Variants in PTPRN2 observed in about 807,000 individuals in gnomAD.
PTPRN2 encodes protein tyrosine phosphatase receptor type N2.
A neutral mutation model predicts 118.8 loss-of-function variants in PTPRN2; 74 were observed. The ratio of observed to expected loss-of-function variants is 0.62; its 90% confidence interval spans 0.52 to 0.76. PTPRN2 has a LOEUF of 0.76. PTPRN2 is among the 30% of genes least tolerant of loss of function. PTPRN2 has a pLI of 0.00. For missense variants in PTPRN2, 1,481 were observed against 1,394.4 expected, an observed-to-expected ratio of 1.06 and a Z score of -0.99; for synonymous variants, 641 against 608.0, an observed-to-expected ratio of 1.05 and a Z score of -0.80.
In PTPRN2 at chr7:158,342,101, C is replaced by T. The variant is rs527607251; in HGVS notation, c.164-25169G>A. Among the ~76,000 whole-genome samples, 54 of 143,070 alleles carry T rather than the reference C, an allele frequency of 3.8e-4. 1 individual carries two copies. The South Asian group carries it at 8.1e-3, about 22-fold the overall frequency. 93.9% of individuals were successfully genotyped at this position (143,070 alleles called of 152,430 possible). A position where few individuals can be genotyped will look rare whatever the true frequency, so the allele number is the denominator to read the frequency against. ...CACCAGAAGGGGTGTCACCTGCAGACGTCACTCACACCCACACTCTCACCA... is the reference window on the plus strand; with the variant it reads ...CACCAGAAGGGGTGTCACCTGCAGATGTCACTCACACCCACACTCTCACCA... On this transcript the variant is annotated intron_variant, in intron 2 of 22. Coordinates refer to ENST00000389418, the MANE Select transcript of PTPRN2 (RefSeq NM_002847.5).
chr7:157,832,813 A>G (rs1807655175), intron 12 of PTPRN2, among the ~76,000 whole-genome samples: 2 of 152,262 alleles, frequency 1.3e-5, no homozygotes, highest in African/African-American at 4.8e-5. Flanking sequence ...TTCTAGTAGC[A>G]AAAGCAACAG....
At chr7:158,215,064 T>C (rs978079589) in intron 3 of PTPRN2, among the ~76,000 whole-genome samples, 5 of 152,130 alleles carry the variant, frequency 3.3e-5, no homozygotes, top group African/African-American at 1.2e-4. Flanking sequence ...GATGTTAAAA[T>C]TGCCTGAGAA....
At chr7:158,007,823 A>T (rs970016444) in intron 11 of PTPRN2, among the ~76,000 whole-genome samples, 1 of 134,432 alleles carries the variant, frequency 7.4e-6, no homozygotes, top group Non-Finnish European at 1.6e-5. Flanking sequence ...GTGGGTATAT[A>T]CATGTGGGGG....
chr7:158,065,831 T>A (rs1810730298), intron 11 of PTPRN2, among the ~76,000 whole-genome samples: 1 of 152,224 alleles, frequency 6.6e-6, no homozygotes, highest in African/African-American at 2.4e-5. Context: ...AAATGGAAAT[T>A]ACCCCAGAGC....
chr7:158,040,736 C>CTTTTTTTTTT lies in PTPRN2; in HGVS notation c.1723+40552_1723+40561dup, dbSNP rs58192875. Among the ~76,000 whole-genome samples the CTTTTTTTTTT allele has an allele frequency of 1.3e-4, 19 of 142,202 alleles. 2 individuals carry two copies. Among genetic ancestry groups the CTTTTTTTTTT allele is most frequent in the African/African-American group, 1.3e-4 (5 of 38,232 alleles). 93.3% of individuals were successfully genotyped at this position (142,202 alleles called of 152,430 possible). ...TTGATCTGCCTTTCTTTTTTTCTTT[C>CTTTTTTTTTT]TTTTTTTTTTTTTTGAGATGGAATC... On this transcript the variant is annotated intron_variant, in intron 11 of 22. Transcript: ENST00000389418.
intron 12 of PTPRN2, among the ~76,000 whole-genome samples, chr7:157,852,714 C>CA (rs778878489): frequency 3.3e-5 from 5 of 151,784 alleles, no homozygotes; most frequent in Admixed American, 6.6e-5. Flanking sequence ...ACTAAAAACA[C>CA]AAAAATTAGC....
At chr7:158,045,598 C>T (rs1424183481) in intron 11 of PTPRN2, among the ~76,000 whole-genome samples, 1 of 152,214 alleles carries the variant, frequency 6.6e-6, no homozygotes, top group African/African-American at 2.4e-5. Context: ...GATTGTTTAG[C>T]ACAGACATCC....
At chr7:158,549,965 C>A (rs1035186276) in intron 1 of PTPRN2, among the ~76,000 whole-genome samples, 1 of 152,238 alleles carries the variant, frequency 6.6e-6, no homozygotes, top group Non-Finnish European at 1.5e-5. Context: ...CTCCCCCTTG[C>A]CCTCGTCCTG....
At chr7:157,925,805 G>A (rs916058636) in intron 11 of PTPRN2, among the ~76,000 whole-genome samples, 2 of 152,058 alleles carry the variant, frequency 1.3e-5, no homozygotes, top group East Asian at 1.9e-4. Context: ...ACCAGCCACC[G>A]AGACAATCAG....
intron 10 of PTPRN2, among the ~76,000 whole-genome samples, chr7:158,090,799 T>A (rs1814054542): frequency 6.6e-6 from 1 of 152,198 alleles, no homozygotes; most frequent in South Asian, 2.1e-4. Flanking sequence ...CTTTTATGAG[T>A]GAAATAATTT....
chr7:158,326,629 C>A (rs1445765409), intron 2 of PTPRN2, among the ~76,000 whole-genome samples: 1 of 148,500 alleles, frequency 6.7e-6, no homozygotes, highest in Non-Finnish European at 1.5e-5. Context: ...TGCACATTCT[C>A]ACATGCACAC....
At chr7:157,783,791 G>C (rs1047590141) in intron 12 of PTPRN2, among the ~76,000 whole-genome samples, 1 of 151,914 alleles carries the variant, frequency 6.6e-6, no homozygotes, top group African/African-American at 2.4e-5. Context: ...CCCTACTTTT[G>C]AGTGATTTCC....
chr7:158,248,814 A>G (rs1453228715), intron 3 of PTPRN2, among the ~76,000 whole-genome samples: 1 of 12,688 alleles, frequency 7.9e-5, no homozygotes, highest in Admixed American at 9.2e-4. Flanking sequence ...ACACGTGCAC[A>G]CATGCCACAC....
At chr7:158,381,318 C>T (rs938325867) in intron 2 of PTPRN2, among the ~76,000 whole-genome samples, 2 of 152,180 alleles carry the variant, frequency 1.3e-5, no homozygotes, top group African/African-American at 2.4e-5. Context: ...GAATGCTTTG[C>T]TGCTTAGAAA....
intron 3 of PTPRN2, among the ~76,000 whole-genome samples, chr7:158,300,555 C>CAGCGCCTCGCCCGCCACCCAGTCCCGT (rs1800816097): frequency 2.6e-5 from 1 of 38,536 alleles, no homozygotes; most frequent in African/African-American, 9.4e-5. Flanking sequence ...TGCACGCCCA[C>CAGCGCCTCGCCCGCCACCCAGTCCCGT]AGCGCCTCGC....
At chr7:157,999,220 A>G (rs1278428776) in intron 11 of PTPRN2, among the ~76,000 whole-genome samples, 1 of 152,172 alleles carries the variant, frequency 6.6e-6, no homozygotes, top group Non-Finnish European at 1.5e-5. Context: ...AGTTGCCTGA[A>G]CACAAACCCT....
intron 15 of PTPRN2, among the ~76,000 whole-genome samples, chr7:157,608,128 C>G (rs1053767898): frequency 6.6e-6 from 1 of 152,134 alleles, no homozygotes; most frequent in African/African-American, 2.4e-5. Context: ...AGTGCAGTGG[C>G]ACAATATTGG....
At chr7:158,156,153 T>C (rs559559538) in intron 6 of PTPRN2, among the ~76,000 whole-genome samples, 1 of 152,276 alleles carries the variant, frequency 6.6e-6, no homozygotes, top group Admixed American at 6.5e-5. Context: ...GGATGAAGCT[T>C]CTCCTGCACT....
At chr7:157,682,440 A>C (rs1019228856) in intron 13 of PTPRN2, among the ~76,000 whole-genome samples, 1 of 152,216 alleles carries the variant, frequency 6.6e-6, no homozygotes, top group South Asian at 2.1e-4. Context: ...CAGATAATAC[A>C]TCATTCATGT....
Sources: gnomAD v4.1 joint callset for allele counts (sites outside exome capture counted in the v4.1 genomes callset) on GRCh38, gnomAD v4.1.1 for gene constraint, MANE v1.5 for transcripts, NCBI Gene and HGNC (gene_info 2026-07-23, HGNC 2026-07-21) for gene names.